Variants in SNX7 observed in about 807,000 individuals in gnomAD.
SNX7 encodes sorting nexin 7.
Under a neutral mutation model 48.4 loss-of-function variants are expected in SNX7, and 35 were observed. The ratio of observed to expected loss-of-function variants is 0.72; its 90% CI spans 0.55 to 0.96. The LOEUF is 0.96. Ranked by LOEUF, SNX7 falls within the 40% of genes least tolerant of loss-of-function variation. SNX7 has a pLI of 0.00. For synonymous variants in SNX7, 190 were observed against 190.2 expected (o/e 1.00, Z 0.01); for missense variants, 553 against 548.9 (o/e 1.01, Z -0.07).
At chr1:98,724,906 A>G (rs1653085492) in intron 7 of SNX7, among the ~76,000 whole-genome samples, 1 of 152,190 alleles carries the variant, frequency 6.6e-6, no homozygotes, top group African/African-American at 2.4e-5. Context: ...GATTATGAAA[A>G]TTAACTCCTC....
intron 7 of SNX7, among the ~76,000 whole-genome samples, chr1:98,728,169 C>T (rs1653290758): frequency 6.6e-6 from 1 of 152,136 alleles, no homozygotes; most frequent in Non-Finnish European, 1.5e-5. Flanking sequence ...GGAAGCCCAT[C>T]AGAATAACAG....
At chr1:98,707,426 G>A (rs969950117) in intron 7 of SNX7, among the ~76,000 whole-genome samples, 4 of 152,124 alleles carry the variant, frequency 2.6e-5, no homozygotes, top group African/African-American at 4.8e-5. Flanking sequence ...GATGATAAAG[G>A]TATAATAATA....
intron 7 of SNX7, among the ~76,000 whole-genome samples, chr1:98,726,008 C>T (rs1653145230): frequency 6.6e-6 from 1 of 152,148 alleles, no homozygotes; most frequent in Non-Finnish European, 1.5e-5. Context: ...TCTTTTCTTA[C>T]AGGTCCTCAG....
Position 98,680,939 on chromosome 1 carries a change from A to G in SNX7, c.181-3946A>G, listed in dbSNP as rs1021703406. On this transcript the variant is annotated intron_variant, in intron 1 of 8. Transcript: ENST00000306121. ...TGTCCAATTCCAAAGTTGCTTCCACATTTTCAGGTATCTTTTCAGCAGTGC... is the reference window on the plus strand; with the variant it reads ...TGTCCAATTCCAAAGTTGCTTCCACGTTTTCAGGTATCTTTTCAGCAGTGC... Among the ~76,000 whole-genome samples the G allele has an allele frequency of 2.0e-5, 3 of 152,130 alleles. 1 individual carries two copies. Among genetic ancestry groups the G allele is most frequent in the South Asian group, 4.1e-4 (2 of 4,824 alleles).
At chr1:98,730,467 C>CT (rs1414688203) in intron 7 of SNX7, among the ~76,000 whole-genome samples, 18 of 152,188 alleles carry the variant, frequency 1.2e-4, no homozygotes, top group African/African-American at 4.3e-4. Context: ...ATCAAGCTGT[C>CT]TTGTTTCCAG....
At chr1:98,719,064 C>T (rs558721439) in intron 7 of SNX7, among the ~76,000 whole-genome samples, 2 of 152,174 alleles carry the variant, frequency 1.3e-5, no homozygotes, top group Admixed American at 6.6e-5. Context: ...ATTGCTAAAT[C>T]GGAGGGTATT....
chr1:98,664,539 A>G (rs1471203668), intron 1 of SNX7, among the ~76,000 whole-genome samples: 1 of 152,162 alleles, frequency 6.6e-6, no homozygotes, highest in East Asian at 1.9e-4. Flanking sequence ...CAAAAGAAAA[A>G]CAAAACAACT....
chr1:98,753,256 A>T (rs1341416105), intron 8 of SNX7, among the ~76,000 whole-genome samples: 1 of 152,074 alleles, frequency 6.6e-6, no homozygotes, highest in Non-Finnish European at 1.5e-5. Flanking sequence ...TTCAAAACAC[A>T]TACTTTTTCT....
At position 98,691,091 on chromosome 1, in the gene SNX7, T is replaced by A; in HGVS notation, c.380T>A (p.Phe127Tyr). 6.2e-7 allele frequency: 1 copy of A among 1,606,936 alleles called. No homozygotes were observed. The highest frequency in any genetic ancestry group is 8.5e-7 in the Non-Finnish European group (1 of 1,176,012). ...TTTCTTCAGACATCTCGTGGGGAAT[T>A]TGACTCCAGTGAATTTGAAGTTAGG... ...RIITKTSRGE[F>Y]DSSEFEVRRR... Residue 127 changes from phenylalanine (F) to tyrosine (Y), a missense_variant, in exon 3 of 9, where the codon TTT becomes TAT. Coordinates refer to ENST00000306121, the MANE Select transcript of SNX7 (RefSeq NM_015976.5).
intron 7 of SNX7, among the ~76,000 whole-genome samples, chr1:98,726,244 A>T (rs116705871): frequency 0.013 from 1,947 of 152,194 alleles, 55 homozygotes; most frequent in African/African-American, 0.045. Flanking sequence ...GTCTTTGTAA[A>T]TTTTTAAAGT....
At chr1:98,756,652 C>T (rs1028502723) in intron 8 of SNX7, among the ~76,000 whole-genome samples, 8 of 151,628 alleles carry the variant, frequency 5.3e-5, no homozygotes, top group Non-Finnish European at 1.0e-4. Flanking sequence ...TGGTGTGGGG[C>T]ACCCTCCGCA....
rs1318461122 is a variant in SNX7, at chr1:98,693,741, A to T, written c.640-1777A>T. 2.0e-5 allele frequency among the ~76,000 whole-genome samples: 3 copies of T among 152,324 alleles called. No homozygotes were observed. The East Asian group carries it at 5.8e-4, about 29-fold the overall frequency. ...GTTTACTTTGTATGTATTCTGCAAG[A>T]TATTCAGGAATGAAAACCTGAAGGA... On this transcript the variant is annotated intron_variant, in intron 4 of 8. Transcript: ENST00000306121.
chr1:98,758,080 G>T (rs997226042), intron 8 of SNX7, among the ~76,000 whole-genome samples: 2 of 152,016 alleles, frequency 1.3e-5, no homozygotes, highest in Non-Finnish European at 2.9e-5. Context: ...TTTGTGGGCT[G>T]TGTGCTAGCA....
chr1:98,705,047 T>C (rs1651943987), intron 7 of SNX7, among the ~76,000 whole-genome samples: 1 of 152,160 alleles, frequency 6.6e-6, no homozygotes, highest in African/African-American at 2.4e-5. Flanking sequence ...TGAACAATAA[T>C]GGCATTACAG....
intron 7 of SNX7, among the ~76,000 whole-genome samples, chr1:98,703,397 A>T (rs969118401): frequency 1.3e-5 from 2 of 152,148 alleles, no homozygotes; most frequent in East Asian, 3.8e-4. Flanking sequence ...TTATTATACT[A>T]TGAATTACTC....
intron 7 of SNX7, among the ~76,000 whole-genome samples, chr1:98,713,627 T>A (rs185063753): frequency 1.3e-5 from 2 of 152,204 alleles, no homozygotes; most frequent in African/African-American, 2.4e-5. Context: ...AGCTTTTGAT[T>A]TAAAGTAAGA....
At chr1:98,683,940 A>G (rs375717736) in intron 1 of SNX7, among the ~76,000 whole-genome samples, 1 of 152,080 alleles carries the variant, frequency 6.6e-6, no homozygotes, top group Non-Finnish European at 1.5e-5. Context: ...TGTTCTACCA[A>G]ATTGGGGTGG....
chr1:98,680,538 T>G (rs1650421402), intron 1 of SNX7, among the ~76,000 whole-genome samples: 1 of 152,176 alleles, frequency 6.6e-6, no homozygotes, highest in Non-Finnish European at 1.5e-5. Flanking sequence ...AGTTCTGGAC[T>G]TTTATGCTCC....
At chr1:98,704,012 C>CA (rs1651889756) in intron 7 of SNX7, among the ~76,000 whole-genome samples, 1 of 150,620 alleles carries the variant, frequency 6.6e-6, no homozygotes, top group African/African-American at 2.4e-5. Flanking sequence ...GTTCCAAACA[C>CA]AAAAGCACAA....
Sources: allele counts gnomAD v4.1 joint callset (sites outside exome capture counted in the v4.1 genomes callset), GRCh38; gene constraint gnomAD v4.1.1; transcripts MANE v1.5; gene names NCBI Gene and HGNC (gene_info 2026-07-23, HGNC 2026-07-21).